ARHGAP33: variants seen among roughly 807,000 people sequenced by gnomAD.
The protein encoded by ARHGAP33 is Rho GTPase activating protein 33, also known as rho GTPase-activating protein 33.
Under a neutral mutation model 126.2 loss-of-function variants are expected in ARHGAP33, and 57 were observed. The ratio of observed to expected loss-of-function variants is 0.45; its 90% confidence interval spans 0.36 to 0.56. The LOEUF is 0.56. Among genes scored for constraint, ARHGAP33 ranks in the 20% least tolerant of loss-of-function variants. The pLI is 0.00. For missense variants in ARHGAP33, 1,500 were observed against 1,748.3 expected, an observed-to-expected ratio of 0.86 and a Z score of 2.53; for synonymous variants, 711 against 755.0, an observed-to-expected ratio of 0.94 and a Z score of 0.95.
intron 1 of ARHGAP33, 181 bp from the exon 2 acceptor site, chr19:35,777,464 C>G (rs1008558155): frequency 1.6e-6 from 1 of 616,614 alleles, no homozygotes; most frequent in Non-Finnish European, 2.9e-6. Context: ...CCCCAGACCA[C>G]ACACGAAGAA....
At position 35,787,280 on chromosome 19, in the gene ARHGAP33, T is replaced by G. The variant is rs757726615; in HGVS notation, c.2715T>G (p.Ala905=). ...NPARLMALAL[A]ERAQQVAEQQ... ...CACGCCTCATGGCCCTGGCCCTGGCTGAGCGGGCTCAGCAGGTGGCCGAGC... is the reference window on the plus strand; with the variant it reads ...CACGCCTCATGGCCCTGGCCCTGGCGGAGCGGGCTCAGCAGGTGGCCGAGC... The change falls in exon 21 of 21, where the codon GCT becomes GCG. Residue 905 remains alanine, a synonymous_variant. Coordinates refer to ENST00000007510, the MANE Select transcript of ARHGAP33 (RefSeq NM_001366178.1). The G allele has an allele frequency of 2.9e-5, 47 of 1,612,226 alleles. No individual in the cohort carries two copies. Among genetic ancestry groups the G allele is most frequent in the African/African-American group, 4.0e-5 (3 of 74,822 alleles).
In ARHGAP33 at chr19:35,785,503, G is replaced by T. The variant is rs974479764; in HGVS notation, c.1942+20G>T. On this transcript the variant is annotated intron_variant, in intron 19 of 20. Coordinates refer to ENST00000007510, the MANE Select transcript of ARHGAP33 (RefSeq NM_001366178.1). ...GGGCTGGTGAGCAAGGCGGGCAATT[G>T]GGGGGCGCTACCTGTGCCCATGTGG... is the stretch of plus-strand genomic sequence containing the variant. The T allele has an allele frequency of 1.2e-6, 2 of 1,613,330 alleles. No individual in the cohort carries two copies. Among genetic ancestry groups the T allele is most frequent in the Non-Finnish European group, 1.7e-6 (2 of 1,179,532 alleles).
chr19:35,787,688 G>C lies in ARHGAP33; in HGVS notation c.3123G>C (p.Leu1041=). The C allele has an allele frequency of 6.3e-7, 1 of 1,593,246 alleles. No homozygotes were observed. Among genetic ancestry groups the C allele is most frequent in the Non-Finnish European group, 8.5e-7 (1 of 1,174,218 alleles). ...TCTCCCCAGCCCCCAGGGAGTGCCTGCCACCCTTCCTCGGGGTCCCCAAGC... is the reference window on the plus strand; with the variant it reads ...TCTCCCCAGCCCCCAGGGAGTGCCTCCCACCCTTCCTCGGGGTCCCCAAGC... ...GFFSPAPREC[L]PPFLGVPKPG... is the part of the protein sequence containing the mutation. The change falls in exon 21 of 21, where the codon CTG becomes CTC. Residue 1041 remains leucine (L), a synonymous_variant. Coordinates refer to ENST00000007510, the MANE Select transcript of ARHGAP33 (RefSeq NM_001366178.1).
In ARHGAP33 at chr19:35,782,008, T is replaced by C. The variant is rs889470645; in HGVS notation, c.1086-365T>C. On this transcript the variant is annotated intron_variant, in intron 12 of 20. Transcript: ENST00000007510. This position sits in a 1 kb window ranked among gnomAD's most constrained non-coding sequence, Gnocchi z 4.1. ...CAGGCAGTGGGGCCCCACCAGAGAA[T>C]TGGGAGTAGCAGGGTGCTGGGATTT... Among the ~76,000 whole-genome samples, 10 of 151,848 alleles carry C rather than the reference T, an allele frequency of 6.6e-5. No individual in the cohort carries two copies. Among genetic ancestry groups the C allele is most frequent in the African/African-American group, 2.2e-4 (9 of 41,332 alleles).
In ARHGAP33 at chr19:35,787,271, G is replaced by C. The variant is rs888053829; in HGVS notation, c.2706G>C (p.Leu902=). Residue 902 remains leucine, a synonymous_variant, in exon 21 of 21, where the codon CTG becomes CTC. Coordinates refer to ENST00000007510, the MANE Select transcript of ARHGAP33 (RefSeq NM_001366178.1). Reference sequence around the variant, plus strand: ...AGAACCCAGCACGCCTCATGGCCCTGGCCCTGGCTGAGCGGGCTCAGCAGG... The same window carrying C: ...AGAACCCAGCACGCCTCATGGCCCTCGCCCTGGCTGAGCGGGCTCAGCAGG... ...PPKNPARLMA[L]ALAERAQQVA... is the part of the protein sequence containing the mutation. 1.2e-6 allele frequency: 2 copies of C among 1,612,226 alleles called. No homozygotes were observed. The highest frequency in any genetic ancestry group is 1.3e-5 in the African/African-American group (1 of 74,856).
intron 6 of ARHGAP33, chr19:35,779,866 G>A (rs758494252): frequency 5.0e-5 from 24 of 478,232 alleles, no homozygotes; most frequent in Admixed American, 2.1e-4. Context: ...GTGCCACCAC[G>A]CCCAGCACAG....
In ARHGAP33 at chr19:35,780,920, C is replaced by G. The variant is rs777687680; in HGVS notation, c.830C>G (p.Ala277Gly). 6.2e-7 allele frequency: 1 copy of G among 1,609,912 alleles called. No individual in the cohort carries two copies. Among genetic ancestry groups the G allele is most frequent in the Non-Finnish European group, 8.5e-7 (1 of 1,179,960 alleles). ...APQGISSLTS[A>G]VPRPRGKLAG... is the part of the protein sequence containing the mutation. The stretch of plus-strand genomic sequence containing the variant: ...TGCCCTTTGCCCCTTGCCCCCACAG[C>G]TGTGCCACGGCCTCGTGGGAAGCTG... Residue 277 changes from alanine (A) to glycine (G), a missense_variant and splice_region_variant, in exon 11 of 21, where the codon GCT (alanine) becomes GGT (glycine). Ala to Gly is a moderately conservative substitution (Grantham distance 60, BLOSUM62 0). This residue lies in a region of ARHGAP33 where 281 missense variants were observed against 413.7 expected (regional missense o/e 0.68). Transcript: ENST00000007510.
chr19:35,775,748 G>T, intron 1 of ARHGAP33, 84 bp downstream of exon 1: 2 of 1,301,922 alleles, frequency 1.5e-6, no homozygotes, highest in Middle Eastern at 2.7e-4. Flanking sequence ...CCCCGCCCCC[G>T]GCCCCGCCCG....
Position 35,787,252 on chromosome 19 carries a change from C to T in ARHGAP33, c.2687C>T (p.Pro896Leu). Residue 896 changes from proline to leucine, a missense_variant, in exon 21 of 21, where the codon CCA (proline) becomes CTA (leucine). Physicochemically the swap from Pro to Leu is moderately conservative, Grantham distance 98. Around this residue, in one of 6 missense-constraint regions of ARHGAP33, gnomAD observed 642 missense variants for 634.0 expected, o/e 1.01. Transcript: ENST00000007510. ...GGAPPPPPKN[P>L]ARLMALALAE... is the part of the protein sequence containing the mutation. ...GCCCCACCCCCGCCCCCTAAGAACC[C>T]AGCACGCCTCATGGCCCTGGCCCTG... The T allele has an allele frequency of 6.2e-7, 1 of 1,612,142 alleles. No individual in the cohort carries two copies. Among genetic ancestry groups the T allele is most frequent in the Non-Finnish European group, 8.5e-7 (1 of 1,179,568 alleles).
At chr19:35,778,259 G>A in intron 3 of ARHGAP33, 21 bp from the exon 4 acceptor site, 7 of 1,613,868 alleles carry the variant, frequency 4.3e-6, no homozygotes, top group Non-Finnish European at 5.1e-6. Flanking sequence ...AGTCCACCTG[G>A]GCCTTGCTTT....
chr19:35,785,815 C>G (rs1393153762), intron 19 of ARHGAP33: 1 of 1,186,118 alleles, frequency 8.4e-7, no homozygotes, highest in African/African-American at 1.6e-5. Flanking sequence ...CGAGTTCCTC[C>G]CCACTGGAGG....
In ARHGAP33 at chr19:35,784,806, T is replaced by A; in HGVS notation, c.1568-147T>A. ...TCCTCCCACCTGCCTGCTGCCCGCC[T>A]GCTCCCGCCTGATCCGCCCCGGCCC... On this transcript the variant is annotated intron_variant, in intron 16 of 20. Coordinates refer to ENST00000007510, the MANE Select transcript of ARHGAP33 (RefSeq NM_001366178.1). The A allele has an allele frequency of 2.2e-5, 26 of 1,181,994 alleles. No individual in the cohort carries two copies. The East Asian group carries it at 2.8e-4, about 13-fold the overall frequency. The allele number at this position is 1,181,994 out of a possible 1,614,324, so 73.2% of individuals were successfully genotyped here.
In ARHGAP33 at chr19:35,778,340, G is replaced by A. The variant is rs146328719; in HGVS notation, c.250G>A (p.Gly84Arg). The change falls in exon 4 of 21, where the codon GGG becomes AGG. Residue 84 changes from glycine to arginine, a missense_variant. By Grantham distance (125) the Gly-to-Arg change is moderately radical (BLOSUM62 -2). This residue lies in a region of ARHGAP33 where 129 missense variants were observed against 145.9 expected (regional missense o/e 0.88). Transcript: ENST00000007510. ...CTCTGGAGAGAATGAGCTGGTGTTC[G>A]GGGTGCAGGTGACCTGTCAGGTGAG... is the stretch of plus-strand genomic sequence containing the variant. Reference protein sequence around the residue: ...SLSGENELVFGVQVTCQGRSW... With the variant: ...SLSGENELVFRVQVTCQGRSW... 4.3e-6 allele frequency: 7 copies of A among 1,614,038 alleles called. No individual in the cohort carries two copies. Among genetic ancestry groups the A allele is most frequent in the African/African-American group, 2.7e-5 (2 of 74,924 alleles).
rs893620686 is a variant in ARHGAP33 at position 35,779,026 on chromosome 19, C to T, written c.409-6C>T. On this transcript the variant is annotated splice_region_variant and splice_polypyrimidine_tract_variant and intron_variant, in intron 5 of 20. Transcript: ENST00000007510. ...ACAGAGGCCCACTCTGACAACCTGC[C>T]CCCAGATGCTGGTGCCACTGCTGCT... 1.9e-6 allele frequency: 3 copies of T among 1,549,778 alleles called. No homozygotes were observed. Among genetic ancestry groups the T allele is most frequent in the Non-Finnish European group, 2.6e-6 (3 of 1,146,792 alleles).
At chr19:35,776,937 G>A (rs925731006) in intron 1 of ARHGAP33, among the ~76,000 whole-genome samples, 1 of 152,200 alleles carries the variant, frequency 6.6e-6, no homozygotes, top group Non-Finnish European at 1.5e-5. Context: ...GGACCTGAGG[G>A]GTGGGAGTGA....
At chr19:35,777,477 A>G in intron 1 of ARHGAP33, 168 bp from the exon 2 acceptor site, 1 of 624,698 alleles carries the variant, frequency 1.6e-6, no homozygotes, top group Non-Finnish European at 2.9e-6. Flanking sequence ...ACGAAGAAGC[A>G]GTCCTGTCCT....
In ARHGAP33 at chr19:35,788,248, CT is replaced by C. The variant is rs1249527121; in HGVS notation, c.3684del (p.Pro1229LeufsTer100). The C allele has an allele frequency of 6.2e-7, 1 of 1,609,364 alleles. No individual in the cohort carries two copies. The highest frequency in any genetic ancestry group is 8.5e-7 in the Non-Finnish European group (1 of 1,178,798). On this transcript the variant is annotated frameshift_variant, in exon 21 of 21. Transcript: ENST00000007510. LOFTEE classifies it high-confidence loss of function. Reference protein sequence around the residue: ...TPHRVPGPWGPPEPLLLYRAA... With the variant: ...TPHRVPGPWGXPEPLLLYRAA... ...CATAGGGTGCCGGGTCCCTGGGGCC[CT>C]CCTGAGCCTCTCCTGCTCTACAGGG...
intron 12 of ARHGAP33, among the ~76,000 whole-genome samples, chr19:35,781,937 G>A (rs1456263069): frequency 2.0e-5 from 3 of 151,352 alleles, no homozygotes; most frequent in Non-Finnish European, 4.4e-5. Flanking sequence ...GCAGGGGGGT[G>A]GCCAAGAGGG....
In ARHGAP33 at chr19:35,787,459, G is replaced by A; in HGVS notation, c.2894G>A (p.Gly965Glu). 6.2e-7 allele frequency: 1 copy of A among 1,612,350 alleles called. No homozygotes were observed. Among genetic ancestry groups the A allele is most frequent in the South Asian group, 1.1e-5 (1 of 91,038 alleles). ...SLAHPGAWVP[G>E]PPPYLPRQQS... ...GCACACCCGGGTGCCTGGGTCCCGG[G>A]ACCCCCACCCTACTTACCAAGGCAA... Residue 965 changes from glycine to glutamate, a missense_variant, in exon 21 of 21, where the codon GGA becomes GAA. Gly to Glu is a moderately conservative substitution (Grantham distance 98). Transcript: ENST00000007510.
Sources: allele counts gnomAD v4.1 joint callset (sites outside exome capture counted in the v4.1 genomes callset), GRCh38; gene constraint gnomAD v4.1.1; regional missense constraint gnomAD v4.1.1; non-coding constraint Gnocchi (gnomAD v3.1); transcripts MANE v1.5; gene names NCBI Gene and HGNC (gene_info 2026-07-23, HGNC 2026-07-21).